Variants in NPAS3 observed in about 807,000 individuals in gnomAD.
The protein encoded by NPAS3 is neuronal PAS domain-containing protein 3.
NPAS3 carries 14 observed loss-of-function variants against 73.1 expected under a neutral mutation model. That is an observed-to-expected ratio of 0.19 (90% confidence interval 0.13 to 0.30). The LOEUF (loss-of-function observed/expected upper bound fraction) is 0.30, where lower values mean the gene tolerates loss of function less well. NPAS3 is among the 10% of genes least tolerant of loss of function. The pLI, the probability that NPAS3 is intolerant of heterozygous loss-of-function variation, is 1.00. For missense variants in NPAS3, 1,096 were observed against 1,250.0 expected (o/e 0.88, Z 1.86); for synonymous variants, 620 against 541.5 (o/e 1.14, Z -2.01).
chr14:33,761,160 C>T (rs923606323), intron 7 of NPAS3, among the ~76,000 whole-genome samples: 2 of 151,462 alleles, frequency 1.3e-5, no homozygotes, highest in Non-Finnish European at 2.9e-5. Context: ...TACAAACTTA[C>T]AAGATTGATT....
chr14:33,148,336 T>C (rs1445135768), intron 2 of NPAS3, among the ~76,000 whole-genome samples: 3 of 152,146 alleles, frequency 2.0e-5, no homozygotes. Flanking sequence ...CACATAGTCA[T>C]TCATATTATA....
intron 4 of NPAS3, among the ~76,000 whole-genome samples, chr14:33,534,482 A>G (rs753160185): frequency 2.9e-4 from 44 of 152,198 alleles, no homozygotes; most frequent in Non-Finnish European, 4.9e-4. Context: ...TGAGGAAGTC[A>G]GGAGTGTGAC....
chr14:33,730,618 C>A (rs1169179851), intron 6 of NPAS3, among the ~76,000 whole-genome samples: 1 of 152,172 alleles, frequency 6.6e-6, no homozygotes, highest in African/African-American at 2.4e-5. Context: ...TTGACTAAAG[C>A]AAGCCACGTG....
chr14:33,649,215 G>A (rs1331516506), intron 5 of NPAS3, among the ~76,000 whole-genome samples: 4 of 152,196 alleles, frequency 2.6e-5, no homozygotes, highest in Non-Finnish European at 5.9e-5. Flanking sequence ...AAATGAAGTG[G>A]ACAGTTAACA....
chr14:33,793,033 G>A (rs1007226297), intron 9 of NPAS3, among the ~76,000 whole-genome samples: 7 of 152,200 alleles, frequency 4.6e-5, no homozygotes, highest in African/African-American at 1.7e-4. Flanking sequence ...TACTAGCTCA[G>A]GAGTACCCAG....
intron 4 of NPAS3, among the ~76,000 whole-genome samples, chr14:33,554,554 A>T (rs956203055): frequency 1.3e-5 from 2 of 152,234 alleles, no homozygotes; most frequent in Non-Finnish European, 2.9e-5. Flanking sequence ...GGCTTAGTTT[A>T]AAATAATCTG....
intron 3 of NPAS3, among the ~76,000 whole-genome samples, chr14:33,301,158 A>G (rs2042514714): frequency 6.6e-6 from 1 of 151,454 alleles, no homozygotes; most frequent in Admixed American, 6.6e-5. Flanking sequence ...CCACTTCTCA[A>G]CATCCACCTG....
chr14:33,784,741 ATTTATTTT>A (rs1333622636), intron 9 of NPAS3, among the ~76,000 whole-genome samples: 2 of 72,778 alleles, frequency 2.7e-5, no homozygotes, highest in Middle Eastern at 7.2e-3. Flanking sequence ...TTATTTATTT[ATTTATTTT>A]TTTTTTTTTT....
intron 4 of NPAS3, among the ~76,000 whole-genome samples, chr14:33,368,338 C>T (rs1019064651): frequency 3.3e-5 from 5 of 151,050 alleles, no homozygotes; most frequent in African/African-American, 1.2e-4. Flanking sequence ...GAAAAAATAG[C>T]TCATAGTCAA....
intron 6 of NPAS3, among the ~76,000 whole-genome samples, chr14:33,709,676 A>G (rs745342846): frequency 4.6e-5 from 7 of 152,226 alleles, no homozygotes; most frequent in Non-Finnish European, 5.9e-5. Context: ...ACCATTTTAT[A>G]GATGAGAACA....
intron 1 of NPAS3, among the ~76,000 whole-genome samples, chr14:33,032,413 A>C (rs1179382045): frequency 1.3e-5 from 2 of 152,202 alleles, no homozygotes; most frequent in African/African-American, 4.8e-5. Flanking sequence ...GGCTTCCAGG[A>C]GGATGCCAGC....
chr14:33,278,516 AG>A (rs1365030504), intron 3 of NPAS3, among the ~76,000 whole-genome samples: 5 of 151,818 alleles, frequency 3.3e-5, no homozygotes, highest in Non-Finnish European at 7.4e-5. Context: ...AAAAAAAAAA[AG>A]TATCTCAAGA....
chr14:33,712,420 C>A (rs1432125356), intron 6 of NPAS3, among the ~76,000 whole-genome samples: 10 of 152,174 alleles, frequency 6.6e-5, no homozygotes. Context: ...AGGCTTCATA[C>A]CCTGGGTTCA....
At chr14:33,683,400 T>TTAATTATGACCTGTTTTTCCTC (rs2059995359) in intron 6 of NPAS3, among the ~76,000 whole-genome samples, 1 of 136,810 alleles carries the variant, frequency 7.3e-6, no homozygotes, top group Admixed American at 7.8e-5. Context: ...AGACAAGCTG[T>TTAATTATGACCTGTTTTTCCTC]TAATTATGAC....
intron 11 of NPAS3, 38 bp from the exon 12 acceptor site, chr14:33,799,696 C>A: frequency 6.5e-7 from 1 of 1,544,768 alleles, no homozygotes. Flanking sequence ...TCTCTTCTCT[C>A]TCCGCCCCCG....
In NPAS3 at chr14:33,232,136, G is replaced by A. The variant is rs557993923; in HGVS notation, c.385+16710G>A. On this transcript the variant is annotated intron_variant, in intron 3 of 11. Transcript: ENST00000356141. The stretch of plus-strand genomic sequence containing the variant: ...GCAAGAAGACAGTTGCTTAGATTGC[G>A]GATCCAGCTGATGTCAGTAGTATTG... Among the ~76,000 whole-genome samples the A allele has an allele frequency of 3.9e-5, 6 of 152,192 alleles. No homozygotes were observed. The East Asian group carries it at 5.8e-4, about 15-fold the overall frequency.
chr14:33,567,969 T>C (rs897959879), intron 5 of NPAS3, among the ~76,000 whole-genome samples: 2 of 152,232 alleles, frequency 1.3e-5, no homozygotes, highest in African/African-American at 2.4e-5. Context: ...GACTGAATCA[T>C]AGAATCTCAG....
chr14:33,524,945 T>C (rs1374758174), intron 4 of NPAS3, among the ~76,000 whole-genome samples: 1 of 152,164 alleles, frequency 6.6e-6, no homozygotes, highest in Non-Finnish European at 1.5e-5. Context: ...CCATCTTAAC[T>C]TCATCATCTG....
chr14:33,571,639 T>C (rs59483147), intron 5 of NPAS3, among the ~76,000 whole-genome samples: 39 of 152,338 alleles, frequency 2.6e-4, no homozygotes, highest in African/African-American at 8.7e-4. Flanking sequence ...TTTATATAAG[T>C]GCAAAAGGAG....
Sources: gnomAD v4.1 joint callset for allele counts (sites outside exome capture counted in the v4.1 genomes callset) on GRCh38, gnomAD v4.1.1 for gene constraint, MANE v1.5 for transcripts, NCBI Gene and HGNC (gene_info 2026-07-23, HGNC 2026-07-21) for gene names.